The following ADGRV1 variants were observed in gnomAD, a reference collection of about 807,000 sequenced individuals.
ADGRV1 encodes the protein G-protein coupled receptor 98.
A neutral mutation model predicts 596.2 loss-of-function variants in ADGRV1; 359 were observed. The ratio of observed to expected loss-of-function variants is 0.60; its 90% CI spans 0.55 to 0.66. ADGRV1 has a LOEUF of 0.66. Among genes scored for constraint, ADGRV1 ranks in the 30% least tolerant of loss-of-function variants. The pLI, the probability that ADGRV1 is intolerant of heterozygous loss-of-function variation, is 0.00. For missense variants in ADGRV1, 7,274 were observed against 7,575.6 expected (o/e 0.96, Z 1.48); for synonymous variants, 2,681 against 2,679.2 (o/e 1.00, Z -0.02).
At chr5:91,156,568 A>AATTAGATCT (rs1796497841) in intron 89 of ADGRV1, among the ~76,000 whole-genome samples, 2 of 152,154 alleles carry the variant, frequency 1.3e-5, no homozygotes, top group South Asian at 4.1e-4. Flanking sequence ...AACATAATTA[A>AATTAGATCT]ATTAGATCTA....
At chr5:90,627,891 C>T (rs1345373600) in intron 7 of ADGRV1, 115 bp downstream of exon 7, 6 of 546,372 alleles carry the variant, frequency 1.1e-5, no homozygotes, top group Non-Finnish European at 1.2e-5. Flanking sequence ...TTTTTTCCCA[C>T]AAAGTTTCAT....
At chr5:90,661,369 A>C (rs534230739) in intron 21 of ADGRV1, among the ~76,000 whole-genome samples, 1 of 152,310 alleles carries the variant, frequency 6.6e-6, no homozygotes, top group East Asian at 1.9e-4. Flanking sequence ...GAAGATCTTC[A>C]TGAAAACAAG....
intron 1 of ADGRV1, among the ~76,000 whole-genome samples, chr5:90,561,532 G>A (rs773892384): frequency 6.6e-6 from 1 of 152,084 alleles, no homozygotes; most frequent in Non-Finnish European, 1.5e-5. Flanking sequence ...AAATTTCAAG[G>A]TTGCCCCAAT....
chr5:90,966,040 T>A (rs995490170), intron 84 of ADGRV1, among the ~76,000 whole-genome samples: 8 of 152,148 alleles, frequency 5.3e-5, no homozygotes, highest in Non-Finnish European at 1.2e-4. Flanking sequence ...GAGATTTTTT[T>A]AAGCTAGAAC....
At chr5:91,041,563 C>A (rs1470144732) in intron 85 of ADGRV1, among the ~76,000 whole-genome samples, 2 of 151,676 alleles carry the variant, frequency 1.3e-5, no homozygotes, top group Non-Finnish European at 2.9e-5. Flanking sequence ...TGCAGTAAAC[C>A]ACCATGGCAC....
chr5:90,687,038 CTT>C (rs1745758634), intron 29 of ADGRV1, among the ~76,000 whole-genome samples: 3 of 151,938 alleles, frequency 2.0e-5, no homozygotes, highest in Admixed American at 2.0e-4. Flanking sequence ...TGTTCATGTC[CTT>C]TGCCCACTTT....
At chr5:90,747,387 G>A (rs1030265236) in intron 52 of ADGRV1, among the ~76,000 whole-genome samples, 16 of 152,030 alleles carry the variant, frequency 1.1e-4, no homozygotes, top group Admixed American at 3.3e-4. Context: ...AAGAAGACTC[G>A]CAGGACCTAG....
Position 90,629,239 on chromosome 5 carries a change from T to C in ADGRV1, c.1539T>C (p.Asp513=), listed in dbSNP as rs1765182896. The part of the protein sequence containing the change: ...ELLFYIQDSD[D]VYGLITFFPM... ...TGTTCTACATTCAGGATAGTGATGA[T>C]GTCTATGGCCTAATAACATTTTTTC... The change falls in exon 9 of 90, where the codon GAT becomes GAC. Residue 513 remains aspartate, a synonymous_variant. Transcript: ENST00000405460. 6.2e-7 allele frequency: 1 copy of C among 1,602,866 alleles called. No homozygotes were observed. Among genetic ancestry groups the C allele is most frequent in the African/African-American group, 1.3e-5 (1 of 74,384 alleles).
intron 1 of ADGRV1, among the ~76,000 whole-genome samples, chr5:90,595,667 C>A (rs1462116871): frequency 5.4e-5 from 7 of 129,834 alleles, no homozygotes; most frequent in East Asian, 4.8e-4. Context: ...GGGAACTGAC[C>A]CCCCCACCTC....
intron 86 of ADGRV1, among the ~76,000 whole-genome samples, chr5:91,081,812 T>TA (rs1472306522): frequency 1.3e-5 from 2 of 151,972 alleles, no homozygotes; most frequent in African/African-American, 4.8e-5. Flanking sequence ...AATAAAAATT[T>TA]AAAAAATAAA....
Position 90,883,110 on chromosome 5 carries a change from C to T in ADGRV1, c.17856+19253C>T, listed in dbSNP as rs140930798. The stretch of plus-strand genomic sequence containing the variant: ...AGTATATCTATAAAACTGTTAGCCT[C>T]AATTATCTCTGAATTGATTTTGTTT... On this transcript the variant is annotated intron_variant, in intron 83 of 89. Transcript: ENST00000405460. Among the ~76,000 whole-genome samples, 739 of 152,192 alleles carry T rather than the reference C, an allele frequency of 4.9e-3. 7 individuals are homozygous for T. The highest frequency in any genetic ancestry group is 0.017 in the African/African-American group (709 of 41,530).
chr5:90,885,325 C>G (rs1581417622), intron 83 of ADGRV1, among the ~76,000 whole-genome samples: 1 of 152,156 alleles, frequency 6.6e-6, no homozygotes, highest in East Asian at 1.9e-4. Context: ...AGGTGATTAA[C>G]TCAAAGACTT....
chr5:91,145,965 T>C (rs1795502450), intron 87 of ADGRV1, among the ~76,000 whole-genome samples: 1 of 152,200 alleles, frequency 6.6e-6, no homozygotes, highest in African/African-American at 2.4e-5. Flanking sequence ...AATAGACTTT[T>C]TATGATTATA....
Position 90,694,250 on chromosome 5 carries a change from G to A in ADGRV1, c.7494G>A (p.Val2498=). ...RVASLFSGQA[V]AGSDYEPVTR... ...CATCTCTTTTTAGTGGTCAGGCTGTGGCTGGGAGTGACTATGAGCCTGTGA... is the reference window on the plus strand; with the variant it reads ...CATCTCTTTTTAGTGGTCAGGCTGTAGCTGGGAGTGACTATGAGCCTGTGA... Residue 2498 remains valine (V), a synonymous_variant, in exon 33 of 90, where the codon GTG becomes GTA. Transcript: ENST00000405460. 1 of 1,613,982 alleles carries A rather than the reference G, an allele frequency of 6.2e-7. No individual in the cohort carries two copies. Among genetic ancestry groups the A allele is most frequent in the South Asian group, 1.1e-5 (1 of 91,090 alleles).
intron 1 of ADGRV1, among the ~76,000 whole-genome samples, chr5:90,573,383 T>C (rs572154701): frequency 1.6e-4 from 24 of 152,286 alleles, no homozygotes; most frequent in East Asian, 9.7e-4. Flanking sequence ...GCAAACATCA[T>C]AGAGTGTACT....
At chr5:90,874,269 C>T (rs772077412) in intron 83 of ADGRV1, among the ~76,000 whole-genome samples, 1 of 152,098 alleles carries the variant, frequency 6.6e-6, no homozygotes, top group Non-Finnish European at 1.5e-5. Flanking sequence ...GAAAGTTCTG[C>T]CCCAGTGTTT....
chr5:90,778,554 C>G lies in ADGRV1; in HGVS notation c.12794C>G (p.Pro4265Arg). Residue 4265 changes from proline (P) to arginine (R), a missense_variant, in exon 63 of 90, where the codon CCC becomes CGC. This residue lies in a region of ADGRV1 where 3,643 missense variants were observed against 3,809.2 expected (regional missense o/e 0.96). Transcript: ENST00000405460. ...ANITVVASDS[P>R]YGRFAFSHEQ... ...ATCACGGTGGTGGCCAGCGACTCTC[C>G]CTATGGCCGATTTGCCTTTTCACAT... 2 of 1,611,044 alleles carry G rather than the reference C, an allele frequency of 1.2e-6. No individual in the cohort carries two copies. The highest frequency in any genetic ancestry group is 2.2e-5 in the South Asian group (2 of 90,548).
At chr5:90,665,863 C>T (rs1481347966) in intron 21 of ADGRV1, among the ~76,000 whole-genome samples, 19 of 150,524 alleles carry the variant, frequency 1.3e-4, no homozygotes, top group South Asian at 4.2e-4. Context: ...GCCTTCATTT[C>T]GTTATGTATC....
In ADGRV1 at chr5:90,716,543, A is replaced by T. The variant is rs544867477; in HGVS notation, c.9261A>T (p.Arg3087Ser). Residue 3087 changes from arginine to serine, a missense_variant, in exon 43 of 90, where the codon AGA (arginine) becomes AGT (serine). Physicochemically the swap from Arg to Ser is moderately radical, Grantham distance 110. Transcript: ENST00000405460. ...SFNNSEHFFL[R>S]EPTALYVQES... The stretch of plus-strand genomic sequence containing the variant: ...ACAACAGTGAGCACTTTTTCCTAAG[A>T]GAGCCAACAGCTCTCTACGTCCAGG... 10 of 1,612,930 alleles carry T rather than the reference A, an allele frequency of 6.2e-6. No individual in the cohort carries two copies. The East Asian group carries it at 2.2e-4, about 36-fold the overall frequency.
Sources: allele counts gnomAD v4.1 joint callset (sites outside exome capture counted in the v4.1 genomes callset), GRCh38; gene constraint gnomAD v4.1.1; regional missense constraint gnomAD v4.1.1; transcripts MANE v1.5; gene names NCBI Gene and HGNC (gene_info 2026-07-23, HGNC 2026-07-21).